The following NXPH1 variants were observed in gnomAD, a reference collection of about 807,000 sequenced individuals.
NXPH1 encodes neurexophilin 1, also known as neurexophilin-1.
Under a neutral mutation model 23.7 loss-of-function variants are expected in NXPH1, and 5 were observed. The ratio of observed to expected loss-of-function variants is 0.21; its 90% confidence interval spans 0.11 to 0.44. The LOEUF is 0.44. Among genes scored for constraint, NXPH1 ranks in the 20% least tolerant of loss-of-function variants. The probability of loss-of-function intolerance (pLI) is 0.99; values close to 1 mark genes in which losing one functional copy is unlikely to be tolerated. For missense variants in NXPH1, 324 were observed against 321.6 expected (o/e 1.01, Z -0.06); for synonymous variants, 144 against 122.2 (o/e 1.18, Z -1.18).
intron 2 of NXPH1, among the ~76,000 whole-genome samples, chr7:8,598,513 G>C (rs6974213): frequency 1.3e-5 from 2 of 152,042 alleles, no homozygotes; most frequent in South Asian, 2.1e-4. Context: ...CTTCTGGAGC[G>C]CCAAGGGCCC....
At chr7:8,557,730 C>T (rs2107279) in intron 2 of NXPH1, among the ~76,000 whole-genome samples, 1,677 of 151,724 alleles carry the variant, frequency 0.011, 16 homozygotes, top group Non-Finnish European at 0.018. Context: ...CAGGACAAAC[C>T]TCCAGTGAAA....
At chr7:8,529,807 A>G (rs1404964455) in intron 2 of NXPH1, among the ~76,000 whole-genome samples, 1 of 152,182 alleles carries the variant, frequency 6.6e-6, no homozygotes, top group Non-Finnish European at 1.5e-5. Flanking sequence ...CTGAATTAAA[A>G]AAAATGGTCC....
intron 2 of NXPH1, among the ~76,000 whole-genome samples, chr7:8,682,726 C>T (rs1196501284): frequency 6.6e-6 from 1 of 152,168 alleles, no homozygotes; most frequent in East Asian, 1.9e-4. Flanking sequence ...GACCATCAGT[C>T]AGAAGCAATC....
intron 2 of NXPH1, among the ~76,000 whole-genome samples, chr7:8,744,529 T>A (rs563904951): frequency 1.3e-5 from 2 of 152,318 alleles, no homozygotes; most frequent in South Asian, 4.1e-4. Flanking sequence ...ATTCTTAGCA[T>A]ACTTCTTTAT....
At chr7:8,448,806 C>G (rs1285683122) in intron 2 of NXPH1, among the ~76,000 whole-genome samples, 1 of 119,796 alleles carries the variant, frequency 8.3e-6, no homozygotes, top group Non-Finnish European at 1.6e-5. Context: ...CAGAGCAAGA[C>G]TTCGTCTCGG....
chr7:8,673,811 G>A (rs1820908254), intron 2 of NXPH1, among the ~76,000 whole-genome samples: 4 of 151,694 alleles, frequency 2.6e-5, no homozygotes, highest in Non-Finnish European at 4.4e-5. Flanking sequence ...GGAAGATAGT[G>A]CTACTTGAAA....
intron 2 of NXPH1, among the ~76,000 whole-genome samples, chr7:8,629,805 A>C (rs1480732211): frequency 6.6e-6 from 1 of 152,166 alleles, no homozygotes; most frequent in East Asian, 1.9e-4. Flanking sequence ...TTTAAAACAC[A>C]GTTGTAGCTG....
intron 2 of NXPH1, among the ~76,000 whole-genome samples, chr7:8,684,770 C>A (rs760791237): frequency 6.6e-6 from 1 of 152,224 alleles, no homozygotes; most frequent in African/African-American, 2.4e-5. Context: ...TATTATATTC[C>A]TCTGGAAACC....
At chr7:8,565,834 C>G (rs1818535819) in intron 2 of NXPH1, among the ~76,000 whole-genome samples, 1 of 151,670 alleles carries the variant, frequency 6.6e-6, no homozygotes, top group South Asian at 2.1e-4. Flanking sequence ...TTCTATGATT[C>G]CTGGTGAATT....
At chr7:8,497,497 A>C (rs1222982104) in intron 2 of NXPH1, among the ~76,000 whole-genome samples, 1 of 152,048 alleles carries the variant, frequency 6.6e-6, no homozygotes, top group Non-Finnish European at 1.5e-5. Context: ...AAGTCTTCCT[A>C]TTTCTCCACA....
chr7:8,656,276 A>T (rs570611321), intron 2 of NXPH1, among the ~76,000 whole-genome samples: 3 of 152,334 alleles, frequency 2.0e-5, no homozygotes, highest in African/African-American at 7.2e-5. Context: ...ACAAAAACAC[A>T]AGTAGGTTCT....
intron 2 of NXPH1, among the ~76,000 whole-genome samples, chr7:8,446,020 C>T (rs1475024958): frequency 6.6e-6 from 1 of 152,140 alleles, no homozygotes; most frequent in Non-Finnish European, 1.5e-5. Context: ...ATTAGAGGCC[C>T]ATAGGTATAT....
Position 8,442,379 on chromosome 7 carries a change from T to C in NXPH1, c.54+6612T>C, listed in dbSNP as rs1411690874. Among the ~76,000 whole-genome samples the C allele has an allele frequency of 3.3e-5, 5 of 152,206 alleles. No individual in the cohort carries two copies. Among genetic ancestry groups the C allele is most frequent in the Admixed American group, 2.6e-4 (4 of 15,286 alleles). Reference sequence around the variant, plus strand: ...TGCGCGTCCCCGCTGAACCTGCCTCTGGCCGCGCCTCGCCATCACCCCCGC... The same window carrying C: ...TGCGCGTCCCCGCTGAACCTGCCTCCGGCCGCGCCTCGCCATCACCCCCGC... On this transcript the variant is annotated intron_variant, in intron 2 of 2. Transcript: ENST00000405863. This position sits in a 1 kb window ranked among gnomAD's most constrained non-coding sequence, Gnocchi z 4.6.
chr7:8,701,455 A>T (rs552423768), intron 2 of NXPH1, among the ~76,000 whole-genome samples: 1 of 152,146 alleles, frequency 6.6e-6, no homozygotes, highest in South Asian at 2.1e-4. Context: ...ACAAGACAGT[A>T]CTTCTTATTG....
chr7:8,593,067 C>G (rs185111816), intron 2 of NXPH1, among the ~76,000 whole-genome samples: 1 of 152,014 alleles, frequency 6.6e-6, no homozygotes, highest in East Asian at 1.9e-4. Context: ...TCAAATGCCT[C>G]ACAGCATTAA....
intron 2 of NXPH1, among the ~76,000 whole-genome samples, chr7:8,627,744 AT>A (rs1376086404): frequency 6.6e-6 from 1 of 152,194 alleles, no homozygotes; most frequent in Admixed American, 6.6e-5. Context: ...ATTAAAAAAA[AT>A]AACCATTTTA....
chr7:8,466,613 T>C (rs944909291), intron 2 of NXPH1, among the ~76,000 whole-genome samples: 2 of 152,172 alleles, frequency 1.3e-5, no homozygotes, highest in Non-Finnish European at 2.9e-5. Context: ...TATTCTTAGT[T>C]TTTAGTATAT....
In NXPH1 at chr7:8,591,853, T is replaced by C. The variant is rs537387530; in HGVS notation, c.54+156086T>C. ...GTGAAAGGGCTGAGGTTTCTTTTTT[T>C]TTTTTTTTGATAGTCTCTTTAGTTG... On this transcript the variant is annotated intron_variant, in intron 2 of 2. Coordinates refer to ENST00000405863, the MANE Select transcript of NXPH1 (RefSeq NM_152745.3). Among the ~76,000 whole-genome samples, 329 of 151,704 alleles carry C rather than the reference T, an allele frequency of 2.2e-3. 2 individuals carry two copies. Among genetic ancestry groups the C allele is most frequent in the South Asian group, 8.9e-3 (43 of 4,812 alleles).
intron 2 of NXPH1, among the ~76,000 whole-genome samples, chr7:8,700,187 C>A (rs929306079): frequency 6.6e-6 from 1 of 152,068 alleles, no homozygotes; most frequent in Non-Finnish European, 1.5e-5. Flanking sequence ...TATTTAGGAT[C>A]GTTTATGAGC....
Sources: gnomAD v4.1 joint callset for allele counts (sites outside exome capture counted in the v4.1 genomes callset) on GRCh38, gnomAD v4.1.1 for gene constraint, Gnocchi (gnomAD v3.1) non-coding constraint, MANE v1.5 for transcripts, NCBI Gene and HGNC (gene_info 2026-07-23, HGNC 2026-07-21) for gene names.